The following GARIN1B variants were observed in gnomAD, a reference collection of about 807,000 sequenced individuals.
GARIN1B encodes the protein golgi associated RAB2 interactor 1B, also known as Golgi-associated RAB2 interactor protein 1B.
chr7:128,723,179 C>CT, the GARIN1B span: 7 of 1,595,284 alleles, frequency 4.4e-6, no homozygotes, highest in African/African-American at 4.0e-5. Context: ...CCTGGTTCTG[C>CT]TTTTTTTCTT....
the GARIN1B span, chr7:128,726,756 T>C: frequency 5.8e-6 from 9 of 1,555,038 alleles, no homozygotes; most frequent in Admixed American, 1.2e-4. Context: ...TGGAACAAGA[T>C]CTGAAATACA....
the GARIN1B span, chr7:128,730,184 C>G: frequency 1.6e-6 from 2 of 1,228,756 alleles, no homozygotes; most frequent in Non-Finnish European, 2.3e-6. Flanking sequence ...GGGGTGTGGT[C>G]GAGGAATGCT....
At chr7:128,730,803 C>A in the GARIN1B span, among the ~76,000 whole-genome samples, 1 of 152,114 alleles carries the variant, frequency 6.6e-6, no homozygotes, top group Non-Finnish European at 1.5e-5. Context: ...TGCACCACCA[C>A]GCCCAGCTAA....
At chr7:128,720,324 A>G in the GARIN1B span, among the ~76,000 whole-genome samples, 2 of 150,814 alleles carry the variant, frequency 1.3e-5, no homozygotes, top group Non-Finnish European at 2.9e-5. Flanking sequence ...TCAGCCTCCC[A>G]AGTAGCTGGG....
At chr7:128,723,235 G>A in the GARIN1B span, 5 of 1,612,816 alleles carry the variant, frequency 3.1e-6, no homozygotes, top group African/African-American at 1.3e-5. Context: ...AGCCCAGCGA[G>A]AGTCTCATTC....
At chr7:128,716,863 GGC>G in the GARIN1B span, 1 of 1,613,796 alleles carries the variant, frequency 6.2e-7, no homozygotes, top group Non-Finnish European at 8.5e-7. Flanking sequence ...CCAACACCAT[GGC>G]CCTGGGGGTG....
At chr7:128,719,174 A>T in the GARIN1B span, 2 of 1,388,138 alleles carry the variant, frequency 1.4e-6, no homozygotes, top group Admixed American at 4.1e-5. Flanking sequence ...TATGAAGGTG[A>T]TCTCAGTGTG....
At chr7:128,723,263 G>A in the GARIN1B span, 2 of 1,613,306 alleles carry the variant, frequency 1.2e-6, no homozygotes, top group South Asian at 1.1e-5. Flanking sequence ...GACCAAGGGG[G>A]AGAGTGAAGC....
the GARIN1B span, chr7:128,723,403 C>T: frequency 6.6e-7 from 1 of 1,518,288 alleles, no homozygotes; most frequent in Non-Finnish European, 9.0e-7. Context: ...AACCAAATAG[C>T]TTGGTTAATG....
chr7:128,712,526 A>G, the GARIN1B span, among the ~76,000 whole-genome samples: 3 of 152,318 alleles, frequency 2.0e-5, no homozygotes, highest in East Asian at 3.9e-4. Flanking sequence ...AAAATTGTAT[A>G]AACTCTTGGC....
At chr7:128,722,641 TA>T in the GARIN1B span, among the ~76,000 whole-genome samples, 1,976 of 152,048 alleles carry the variant, frequency 0.013, 24 homozygotes, top group Non-Finnish European at 0.018. Context: ...CCGTCTCTAC[TA>T]AAAATACAAA....
chr7:128,713,006 T>G, the GARIN1B span, among the ~76,000 whole-genome samples: 1 of 152,258 alleles, frequency 6.6e-6, no homozygotes, highest in African/African-American at 2.4e-5. Context: ...AGTATTCTAT[T>G]ACTAAAAAAT....
At chr7:128,712,581 G>A in the GARIN1B span, among the ~76,000 whole-genome samples, 4 of 152,176 alleles carry the variant, frequency 2.6e-5, no homozygotes, top group African/African-American at 9.7e-5. Context: ...CAGATGTCCT[G>A]GTAATTCCTG....
At chr7:128,724,917 G>T in the GARIN1B span, 1 of 1,261,140 alleles carries the variant, frequency 7.9e-7, no homozygotes, top group Non-Finnish European at 1.0e-6. Context: ...TCATTGCTCT[G>T]ACTGCACCCT....
the GARIN1B span, among the ~76,000 whole-genome samples, chr7:128,720,203 C>CTTTT: frequency 7.2e-6 from 1 of 139,268 alleles, no homozygotes. Context: ...TTTCCTTCTT[C>CTTTT]TTTTTTTTTT....
the GARIN1B span, chr7:128,717,006 T>G: frequency 1.3e-6 from 2 of 1,599,224 alleles, no homozygotes; most frequent in Non-Finnish European, 1.7e-6. Flanking sequence ...AGGTGAGCAA[T>G]GCAGATGAGA....
the GARIN1B span, chr7:128,729,792 G>T: frequency 2.6e-6 from 3 of 1,175,672 alleles, no homozygotes; most frequent in Non-Finnish European, 3.7e-6. Flanking sequence ...GCACGTAATT[G>T]TTTGGAATGG....
chr7:128,715,517 A>T, the GARIN1B span: 1 of 1,614,086 alleles, frequency 6.2e-7, no homozygotes, highest in Non-Finnish European at 8.5e-7. Context: ...ATCCTATCCA[A>T]CCTTCCCTTC....
chr7:128,731,100 G>A, the GARIN1B span: 4 of 1,612,042 alleles, frequency 2.5e-6, no homozygotes, highest in East Asian at 2.2e-5. Context: ...ACACTCACAG[G>A]AAATTCTATT....
Sources: allele counts gnomAD v4.1 joint callset (sites outside exome capture counted in the v4.1 genomes callset), GRCh38; gene constraint gnomAD v4.1.1; transcripts MANE v1.5; gene names NCBI Gene and HGNC (gene_info 2026-07-23, HGNC 2026-07-21).